The following KCNQ5 variants were observed in gnomAD, a reference collection of about 807,000 sequenced individuals.
KCNQ5 encodes potassium voltage-gated channel subfamily KQT member 5.
A neutral mutation model predicts 98.2 loss-of-function variants in KCNQ5; 30 were observed. The ratio of observed to expected loss-of-function variants is 0.31; its 90% CI spans 0.23 to 0.41. The LOEUF (loss-of-function observed/expected upper bound fraction) is 0.41, where lower values mean the gene tolerates loss of function less well. Among genes scored for constraint, KCNQ5 ranks in the 10% least tolerant of loss-of-function variants. The probability of loss-of-function intolerance (pLI) is 1.00; values close to 1 mark genes in which losing one functional copy is unlikely to be tolerated. For synonymous variants in KCNQ5, 458 were observed against 449.4 expected (o/e 1.02, Z -0.24); for missense variants, 835 against 1,182.5 (o/e 0.71, Z 4.31).
intron 1 of KCNQ5, among the ~76,000 whole-genome samples, chr6:72,871,388 T>C (rs1757692291): frequency 6.6e-6 from 1 of 152,176 alleles, no homozygotes; most frequent in South Asian, 2.1e-4. Flanking sequence ...CTTCTCTTGT[T>C]ATTTTCTACT....
chr6:73,024,289 TA>T (rs1485572384), intron 2 of KCNQ5, among the ~76,000 whole-genome samples: 6 of 151,544 alleles, frequency 4.0e-5, no homozygotes, highest in African/African-American at 1.2e-4. Context: ...AAGGACAAGG[TA>T]ATTAAACAAA....
intron 1 of KCNQ5, among the ~76,000 whole-genome samples, chr6:72,874,365 A>C (rs962217145): frequency 2.6e-5 from 4 of 152,146 alleles, no homozygotes; most frequent in Non-Finnish European, 1.5e-5. Context: ...TTCTTAGATC[A>C]GATAAGGTAA....
At chr6:72,685,989 T>C (rs1243110161) in intron 1 of KCNQ5, among the ~76,000 whole-genome samples, 2 of 152,240 alleles carry the variant, frequency 1.3e-5, no homozygotes, top group Non-Finnish European at 2.9e-5. Context: ...CGCGTGATCA[T>C]GTGACCTCTT....
chr6:72,944,126 G>C (rs1230050198), intron 1 of KCNQ5, among the ~76,000 whole-genome samples: 2 of 152,124 alleles, frequency 1.3e-5, no homozygotes, highest in Non-Finnish European at 2.9e-5. Flanking sequence ...AGATGATATA[G>C]ATAAACCACT....
intron 6 of KCNQ5, among the ~76,000 whole-genome samples, chr6:73,109,824 A>G (rs533379589): frequency 4.4e-4 from 67 of 152,362 alleles, no homozygotes; most frequent in African/African-American, 1.5e-3. Context: ...ACAGTCATTT[A>G]TACTAATTAA....
chr6:72,670,387 C>A (rs1329169043), intron 1 of KCNQ5, among the ~76,000 whole-genome samples: 2 of 152,272 alleles, frequency 1.3e-5, no homozygotes, highest in East Asian at 3.9e-4. Context: ...GCAATCTTAG[C>A]TTTTTCTAGC....
At chr6:72,797,133 C>G (rs564554101) in intron 1 of KCNQ5, among the ~76,000 whole-genome samples, 8 of 152,266 alleles carry the variant, frequency 5.3e-5, no homozygotes, top group Non-Finnish European at 1.0e-4. Flanking sequence ...TTTATCTGAA[C>G]TAGCTAATTT....
At chr6:72,974,215 G>C (rs1294656810) in intron 1 of KCNQ5, among the ~76,000 whole-genome samples, 2 of 152,166 alleles carry the variant, frequency 1.3e-5, no homozygotes, top group Non-Finnish European at 2.9e-5. Flanking sequence ...TTTACAGTTT[G>C]TAGCTGCTTT....
intron 1 of KCNQ5, among the ~76,000 whole-genome samples, chr6:72,630,331 T>A (rs1292198631): frequency 6.6e-6 from 1 of 152,222 alleles, no homozygotes; most frequent in Non-Finnish European, 1.5e-5. Context: ...TCATTTATTG[T>A]ACCTGTGAGG....
Position 72,847,413 on chromosome 6 carries a change from G to A in KCNQ5, c.399-156495G>A, listed in dbSNP as rs575409220. Among the ~76,000 whole-genome samples, 3 of 152,200 alleles carry A rather than the reference G, an allele frequency of 2.0e-5. No homozygotes were observed. The South Asian group carries it at 6.2e-4, about 32-fold the overall frequency. On this transcript the variant is annotated intron_variant, in intron 1 of 13. Transcript: ENST00000370398. ...TGGCCTCAGGTGATCTGTCCACCTT[G>A]GTCTCCCAAAGTGCTGGGATTACAG...
intron 1 of KCNQ5, among the ~76,000 whole-genome samples, chr6:72,849,681 T>C (rs1420766547): frequency 1.3e-5 from 2 of 152,164 alleles, no homozygotes; most frequent in African/African-American, 4.8e-5. Flanking sequence ...ACTTAAACAA[T>C]GTATCAATGT....
intron 1 of KCNQ5, among the ~76,000 whole-genome samples, chr6:72,857,119 T>A (rs1466681045): frequency 2.0e-5 from 3 of 152,224 alleles, no homozygotes; most frequent in Non-Finnish European, 4.4e-5. Context: ...AATCTGTGCA[T>A]GACTGCCTTT....
In KCNQ5 at chr6:73,061,652, T is replaced by C. The variant is rs79681117; in HGVS notation, c.617-15670T>C. ...GGCATTTTTAACTCACGAAAAACTC[T>C]GTTCTAAAAGGTGCTTTATTATTTG... is the stretch of plus-strand genomic sequence containing the variant. On this transcript the variant is annotated intron_variant, in intron 3 of 13. Coordinates refer to ENST00000370398, the MANE Select transcript of KCNQ5 (RefSeq NM_019842.4). Among the ~76,000 whole-genome samples, 683 of 152,306 alleles carry C rather than the reference T, an allele frequency of 4.5e-3. 5 individuals are homozygous for C. The highest frequency in any genetic ancestry group is 0.016 in the African/African-American group (650 of 41,564).
chr6:73,013,283 C>A (rs751727243), intron 2 of KCNQ5, among the ~76,000 whole-genome samples: 2 of 152,078 alleles, frequency 1.3e-5, no homozygotes, highest in African/African-American at 2.4e-5. Context: ...TTAGTAAATA[C>A]GTCTGATGAC....
intron 1 of KCNQ5, among the ~76,000 whole-genome samples, chr6:72,807,839 G>A (rs1775029205): frequency 6.6e-6 from 1 of 152,190 alleles, no homozygotes; most frequent in Non-Finnish European, 1.5e-5. Context: ...CTCTGTGCAA[G>A]AGGTTGACAC....
rs535776522 is a variant in KCNQ5 at position 73,107,531 on chromosome 6, A to T, written c.1029+2164A>T. On this transcript the variant is annotated intron_variant, in intron 6 of 13. Transcript: ENST00000370398. ...AAAAATAAAATTAAATTAAAAGGGA[A>T]AACAAAATGTATGAAGATCTAGGGC... 2.5e-4 allele frequency among the ~76,000 whole-genome samples: 38 copies of T among 152,288 alleles called. 1 individual carries two copies. The highest frequency in any genetic ancestry group is 8.7e-4 in the African/African-American group (36 of 41,548).
chr6:72,630,731 T>A (rs2098920365), intron 1 of KCNQ5: 1 of 152,174 alleles, frequency 6.6e-6, no homozygotes, highest in South Asian at 2.1e-4. Context: ...GTTAGCATGG[T>A]GGCTCTCGCT....
chr6:72,910,838 C>A (rs533746058), intron 1 of KCNQ5, among the ~76,000 whole-genome samples: 15 of 152,052 alleles, frequency 9.9e-5, no homozygotes, highest in Non-Finnish European at 1.6e-4. Context: ...ATGAGCAGCA[C>A]GGAAACAGGT....
At chr6:72,963,654 T>TTTTATTTA (rs144818469) in intron 1 of KCNQ5, among the ~76,000 whole-genome samples, 29 of 152,054 alleles carry the variant, frequency 1.9e-4, no homozygotes, top group East Asian at 1.7e-3. Context: ...ACAGCTTTTA[T>TTTTATTTA]TTTATTTATT....
Sources: gnomAD v4.1 joint callset for allele counts (sites outside exome capture counted in the v4.1 genomes callset) on GRCh38, gnomAD v4.1.1 for gene constraint, MANE v1.5 for transcripts, NCBI Gene and HGNC (gene_info 2026-07-23, HGNC 2026-07-21) for gene names.